The following SAMTOR variants were observed in gnomAD, a reference collection of about 807,000 sequenced individuals.
SAMTOR encodes UPF0532 protein C7orf60.
chr7:112,831,153 T>C, the SAMTOR span, among the ~76,000 whole-genome samples: 3 of 152,174 alleles, frequency 2.0e-5, no homozygotes, highest in Non-Finnish European at 4.4e-5. Context: ...AAAAATAACA[T>C]TAAAATGCAT....
the SAMTOR span, among the ~76,000 whole-genome samples, chr7:112,902,159 T>G: frequency 6.6e-6 from 1 of 151,758 alleles, no homozygotes; most frequent in Non-Finnish European, 1.5e-5. Context: ...TCCCAGCACT[T>G]TGGGAGGCCG....
chr7:112,873,586 G>A, the SAMTOR span, among the ~76,000 whole-genome samples: 12 of 152,170 alleles, frequency 7.9e-5, no homozygotes, highest in South Asian at 1.2e-3. Flanking sequence ...AAAGGCTTAC[G>A]TGAAGACCAC....
chr7:112,917,337 G>C, the SAMTOR span, among the ~76,000 whole-genome samples: 1 of 152,234 alleles, frequency 6.6e-6, no homozygotes, highest in South Asian at 2.1e-4. Context: ...CAGGCAAACA[G>C]GGTCTGGAGT....
At chr7:112,911,467 T>C in the SAMTOR span, among the ~76,000 whole-genome samples, 7 of 151,998 alleles carry the variant, frequency 4.6e-5, no homozygotes, top group African/African-American at 1.7e-4. Context: ...AGCATGTCTC[T>C]CTGGAGAAAA....
At chr7:112,874,779 T>G in the SAMTOR span, among the ~76,000 whole-genome samples, 1 of 152,194 alleles carries the variant, frequency 6.6e-6, no homozygotes, top group Non-Finnish European at 1.5e-5. Flanking sequence ...GTTACCTAGC[T>G]AGAAATACAG....
At chr7:112,939,722 G>A in the SAMTOR span, 12 of 1,606,298 alleles carry the variant, frequency 7.5e-6, no homozygotes, top group Admixed American at 1.8e-4. Flanking sequence ...CGCACGAGCA[G>A]TATTTCGGCC....
the SAMTOR span, chr7:112,939,491 T>C: frequency 1.9e-6 from 3 of 1,569,434 alleles, no homozygotes; most frequent in African/African-American, 4.1e-5. Flanking sequence ...GTGCAGATCC[T>C]TTACATTTTA....
chr7:112,934,462 GGAAA>G, the SAMTOR span, among the ~76,000 whole-genome samples: 4 of 152,098 alleles, frequency 2.6e-5, no homozygotes, highest in African/African-American at 9.7e-5. Flanking sequence ...CATTTTCCCG[GGAAA>G]GAAATATTGG....
chr7:112,857,643 G>T, the SAMTOR span, among the ~76,000 whole-genome samples: 1 of 152,182 alleles, frequency 6.6e-6, no homozygotes, highest in Non-Finnish European at 1.5e-5. Flanking sequence ...GATCTATATT[G>T]TGTCTTTGCA....
the SAMTOR span, among the ~76,000 whole-genome samples, chr7:112,870,854 T>C: frequency 1.3e-5 from 2 of 150,666 alleles, no homozygotes; most frequent in Non-Finnish European, 3.0e-5. Context: ...ATTGCATAAA[T>C]GGAATATAAA....
At chr7:112,883,092 C>T in the SAMTOR span, among the ~76,000 whole-genome samples, 6 of 152,134 alleles carry the variant, frequency 3.9e-5, no homozygotes, top group Middle Eastern at 3.4e-3. Context: ...AGAATATGTC[C>T]AATATTTTAT....
chr7:112,861,351 G>T, the SAMTOR span, among the ~76,000 whole-genome samples: 4 of 152,164 alleles, frequency 2.6e-5, no homozygotes, highest in South Asian at 8.3e-4. Flanking sequence ...TCTTAAAAAT[G>T]ACTTAGTGAG....
chr7:112,849,983 G>A, the SAMTOR span, among the ~76,000 whole-genome samples: 1 of 152,252 alleles, frequency 6.6e-6, no homozygotes, highest in East Asian at 1.9e-4. Context: ...AAGATGGGTG[G>A]ATCACCTGAG....
the SAMTOR span, among the ~76,000 whole-genome samples, chr7:112,847,744 C>A: frequency 6.6e-6 from 1 of 151,488 alleles, no homozygotes. Context: ...CGCCACTGCA[C>A]TCCAGCTTGG....
chr7:112,864,315 TG>T, the SAMTOR span, among the ~76,000 whole-genome samples: 3 of 152,260 alleles, frequency 2.0e-5, no homozygotes, highest in African/African-American at 7.2e-5. Context: ...TGAAATAATC[TG>T]TACAACAAAC....
At chr7:112,900,105 AT>A in the SAMTOR span, among the ~76,000 whole-genome samples, 1,614 of 152,206 alleles carry the variant, frequency 0.011, 28 homozygotes, top group African/African-American at 0.036. Flanking sequence ...AATGGGATAA[AT>A]TTATTATATC....
At chr7:112,918,998 G>A in the SAMTOR span, among the ~76,000 whole-genome samples, 1 of 152,096 alleles carries the variant, frequency 6.6e-6, no homozygotes, top group Non-Finnish European at 1.5e-5. Flanking sequence ...CAATAATAAT[G>A]GGAGACTTTA....
At chr7:112,923,425 T>C in the SAMTOR span, among the ~76,000 whole-genome samples, 1 of 152,140 alleles carries the variant, frequency 6.6e-6, no homozygotes, top group Admixed American at 6.5e-5. Flanking sequence ...ACTATTGTCC[T>C]ATGACCCTGC....
At chr7:112,889,858 G>A in the SAMTOR span, among the ~76,000 whole-genome samples, 1 of 152,124 alleles carries the variant, frequency 6.6e-6, no homozygotes, top group South Asian at 2.1e-4. Flanking sequence ...GACAGGACTC[G>A]TTAAAAAATA....
Sources: gnomAD v4.1 joint callset for allele counts (sites outside exome capture counted in the v4.1 genomes callset) on GRCh38, gnomAD v4.1.1 for gene constraint, MANE v1.5 for transcripts, NCBI Gene and HGNC (gene_info 2026-07-23, HGNC 2026-07-21) for gene names.